The following TM9SF2 variants were observed in gnomAD, a reference collection of about 807,000 sequenced individuals.
TM9SF2 encodes transmembrane 9 superfamily member 2, also known as 76 kDa membrane protein.
In TM9SF2, 13 loss-of-function variants were observed where a neutral mutation model predicts 84.9. The ratio of observed to expected loss-of-function variants is 0.15; its 90% CI spans 0.10 to 0.24. TM9SF2 has a LOEUF of 0.24. Among genes scored for constraint, TM9SF2 ranks in the 10% least tolerant of loss-of-function variants. The pLI is 1.00. For missense variants in TM9SF2, 562 were observed against 818.5 expected (o/e 0.69, Z 3.82); for synonymous variants, 273 against 285.8 (o/e 0.96, Z 0.45).
At chr13:99,521,613 C>A (rs1473317162) in intron 3 of TM9SF2, among the ~76,000 whole-genome samples, 1 of 152,218 alleles carries the variant, frequency 6.6e-6, no homozygotes, top group East Asian at 1.9e-4. Context: ...CACTGTGAAG[C>A]CCTGGGGGAA....
chr13:99,513,579 GC>G (rs2046122223), intron 1 of TM9SF2, among the ~76,000 whole-genome samples: 2 of 151,790 alleles, frequency 1.3e-5, no homozygotes. Flanking sequence ...CAAACTTTAT[GC>G]CTTGTGTTCG....
At chr13:99,543,364 G>C (rs1322511026) in intron 9 of TM9SF2, among the ~76,000 whole-genome samples, 6 of 152,186 alleles carry the variant, frequency 3.9e-5, no homozygotes, top group Admixed American at 3.3e-4. Flanking sequence ...GAATTTTTCT[G>C]TTACACTCAC....
At chr13:99,521,587 C>G (rs535286420) in intron 3 of TM9SF2, among the ~76,000 whole-genome samples, 42 of 152,328 alleles carry the variant, frequency 2.8e-4, no homozygotes, top group African/African-American at 9.9e-4. Flanking sequence ...CTTACTCCCT[C>G]CAGCACCTGC....
intron 3 of TM9SF2, 142 bp downstream of exon 3, chr13:99,520,271 AAGTT>A (rs1261250778): frequency 1.5e-6 from 1 of 647,966 alleles, no homozygotes; most frequent in Non-Finnish European, 2.6e-6. Flanking sequence ...CTTAAAATCA[AAGTT>A]AGAAGGATCC....
chr13:99,518,769 T>A, intron 2 of TM9SF2, among the ~76,000 whole-genome samples: 1 of 150,556 alleles, frequency 6.6e-6, no homozygotes, highest in East Asian at 1.9e-4. Context: ...GCTAATTTTT[T>A]TTTTTTTTTT....
intron 1 of TM9SF2, among the ~76,000 whole-genome samples, chr13:99,512,409 A>T (rs1038432156): frequency 1.1e-4 from 17 of 152,304 alleles, no homozygotes; most frequent in African/African-American, 4.1e-4. Context: ...TTCTAAGGAG[A>T]ATTGGAAGCT....
Position 99,541,575 on chromosome 13 carries a change from G to A in TM9SF2, c.925G>A (p.Val309Ile), listed in dbSNP as rs771418583. The A allele has an allele frequency of 1.2e-6, 2 of 1,612,078 alleles. No individual in the cohort carries two copies. The highest frequency in any genetic ancestry group is 2.2e-5 in the South Asian group (2 of 90,890). ...TTTCTACAGCATTATGAATTCCCTG[G>A]TCATTGTTCTCTTCTTATCTGGAAT... ...IQWFSIMNSL[V>I]IVLFLSGMVA... Residue 309 changes from valine (V) to isoleucine (I), a missense_variant, in exon 9 of 17, where the codon GTC (valine) becomes ATC (isoleucine). Physicochemically the swap from Val to Ile is conservative, Grantham distance 29 (BLOSUM62 3). This residue lies in a region of TM9SF2 where 219 missense variants were observed against 338.1 expected (regional missense o/e 0.65). Transcript: ENST00000376387.
At chr13:99,557,429 T>G (rs2046329068) in intron 15 of TM9SF2, among the ~76,000 whole-genome samples, 1 of 152,232 alleles carries the variant, frequency 6.6e-6, no homozygotes, top group Non-Finnish European at 1.5e-5. Flanking sequence ...ATAGTAGATC[T>G]TTATCAGATT....
chr13:99,519,519 A>G (rs2046149957), intron 2 of TM9SF2: 1 of 152,908 alleles, frequency 6.5e-6, no homozygotes, highest in South Asian at 2.1e-4. Flanking sequence ...AGGGAATCTT[A>G]TAGGTGACTG....
chr13:99,549,451 C>G (rs2046296816), intron 12 of TM9SF2, among the ~76,000 whole-genome samples: 1 of 152,134 alleles, frequency 6.6e-6, no homozygotes, highest in East Asian at 1.9e-4. Flanking sequence ...TTAATTCCTT[C>G]TCTTCAAAGT....
At chr13:99,517,519 T>A in intron 1 of TM9SF2, 95 bp from the exon 2 acceptor site, 1 of 736,086 alleles carries the variant, frequency 1.4e-6, no homozygotes, top group Non-Finnish European at 2.1e-6. Context: ...ACATTTTACA[T>A]TTCAGACATG....
chr13:99,507,030 T>G lies in TM9SF2; in HGVS notation c.171+5253T>G, dbSNP rs565462267. ...TCCTCTTCTCACTTTTCAAACCTGTTTATTGCCCTTTGCTAATAATAATGG... is the reference window on the plus strand; with the variant it reads ...TCCTCTTCTCACTTTTCAAACCTGTGTATTGCCCTTTGCTAATAATAATGG... On this transcript the variant is annotated intron_variant, in intron 1 of 16. Transcript: ENST00000376387. 1.2e-4 allele frequency among the ~76,000 whole-genome samples: 18 copies of G among 152,384 alleles called. No homozygotes were observed. The South Asian group carries it at 3.5e-3, about 30-fold the overall frequency.
chr13:99,540,906 G>C (rs2046256331), intron 8 of TM9SF2, 113 bp downstream of exon 8: 2 of 942,848 alleles, frequency 2.1e-6, no homozygotes, highest in African/African-American at 3.3e-5. Flanking sequence ...CTGGCCTTGG[G>C]TTCAAATCCT....
At chr13:99,559,684 C>G in intron 16 of TM9SF2, 150 bp downstream of exon 16, 1 of 708,950 alleles carries the variant, frequency 1.4e-6, no homozygotes, top group South Asian at 2.0e-5. Context: ...GTTGGGTCTG[C>G]CCACCTGTGA....
chr13:99,505,272 C>T (rs938328782), intron 1 of TM9SF2, among the ~76,000 whole-genome samples: 18 of 151,876 alleles, frequency 1.2e-4, no homozygotes, highest in African/African-American at 3.9e-4. Context: ...CCTGCCTCAG[C>T]CCCCTGAGTA....
chr13:99,535,164 G>T (rs938943849), intron 4 of TM9SF2, among the ~76,000 whole-genome samples: 1 of 152,064 alleles, frequency 6.6e-6, no homozygotes, highest in African/African-American at 2.4e-5. Context: ...GGGAAAAAAA[G>T]ATATCCTTTA....
Position 99,539,401 on chromosome 13 carries a change from A to G in TM9SF2, c.717-45A>G, listed in dbSNP as rs367822113. The G allele has an allele frequency of 5.8e-6, 7 of 1,205,888 alleles. No homozygotes were observed. The African/African-American group carries it at 1.1e-4, about 18-fold the overall frequency. 74.7% of individuals were successfully genotyped at this position (1,205,888 alleles called of 1,614,324 possible). On this transcript the variant is annotated intron_variant, in intron 6 of 16. Transcript: ENST00000376387. ...CTGTAACCTTTACCTCATTTTTAAAAAGTTGTACTTTATCAGCATCTTGCC... is the reference window on the plus strand; with the variant it reads ...CTGTAACCTTTACCTCATTTTTAAAGAGTTGTACTTTATCAGCATCTTGCC...
Position 99,547,910 on chromosome 13 carries a change from A to G in TM9SF2, c.1270+806A>G, listed in dbSNP as rs541590014. ...TTGGGTAGTCTCAGCCCCCAGTAAAAGATTAACTTAGACCTTGTCAGACAC... is the reference window on the plus strand; with the variant it reads ...TTGGGTAGTCTCAGCCCCCAGTAAAGGATTAACTTAGACCTTGTCAGACAC... On this transcript the variant is annotated intron_variant, in intron 11 of 16. Transcript: ENST00000376387. 9.8e-5 allele frequency among the ~76,000 whole-genome samples: 15 copies of G among 152,342 alleles called. No homozygotes were observed. In the South Asian group the frequency reaches 2.7e-3, roughly 27 times the overall value.
chr13:99,552,749 A>C (rs2046311089), intron 13 of TM9SF2, among the ~76,000 whole-genome samples: 1 of 152,174 alleles, frequency 6.6e-6, no homozygotes, highest in Non-Finnish European at 1.5e-5. Flanking sequence ...GATTACAGGC[A>C]TGTGCCACCA....
Sources: allele counts gnomAD v4.1 joint callset (sites outside exome capture counted in the v4.1 genomes callset), GRCh38; gene constraint gnomAD v4.1.1; regional missense constraint gnomAD v4.1.1; transcripts MANE v1.5; gene names NCBI Gene and HGNC (gene_info 2026-07-23, HGNC 2026-07-21).